Variants in PYM1 observed in about 807,000 individuals in gnomAD.
PYM1 encodes the protein PYM1 exon junction complex associated factor.
In PYM1, 7 loss-of-function variants were observed where a neutral mutation model predicts 20.7. The ratio of observed to expected loss-of-function variants is 0.34; its 90% CI spans 0.19 to 0.64. The LOEUF is 0.64. Among genes scored for constraint, PYM1 ranks in the 30% least tolerant of loss-of-function variants. PYM1 has a pLI of 0.74. For missense variants in PYM1, 194 were observed against 250.0 expected (o/e 0.78, Z 1.51); for synonymous variants, 100 against 99.2 (o/e 1.01, Z -0.05).
intron 1 of PYM1, among the ~76,000 whole-genome samples, chr12:55,908,858 AAAAAT>A (rs1565715324): frequency 6.6e-6 from 1 of 152,160 alleles, no homozygotes; most frequent in African/African-American, 2.4e-5. Context: ...TCTCCAAAAA[AAAAAT>A]AAAATAAAAC....
Position 55,901,486 on chromosome 12 carries a change from A to C in PYM1, c.*386T>G. ...AAAAAAAATGAGGGATGGAGAGGGA[A>C]ATAACCCATAAACACCGCGAACAGG... is the stretch of plus-strand genomic sequence containing the variant. On this transcript the variant is annotated 3_prime_UTR_variant, in exon 3 of 3. Transcript: ENST00000408946. 1 of 171,376 alleles carries C rather than the reference A, an allele frequency of 5.8e-6. No homozygotes were observed. Among genetic ancestry groups the C allele is most frequent in the Non-Finnish European group, 1.2e-5 (1 of 80,034 alleles). 10.6% of individuals were successfully genotyped at this position (171,376 alleles called of 1,614,324 possible).
intron 1 of PYM1, chr12:55,927,157 C>A (rs1301275751): frequency 6.4e-7 from 1 of 1,551,224 alleles, no homozygotes. Context: ...GGGTCCCGCC[C>A]CCCTCCCCAC....
At chr12:55,917,827 G>C (rs1035899551) in intron 1 of PYM1, among the ~76,000 whole-genome samples, 1 of 152,068 alleles carries the variant, frequency 6.6e-6, no homozygotes, top group Non-Finnish European at 1.5e-5. Flanking sequence ...GGTCATGGTG[G>C]TGCATGCCTG....
intron 1 of PYM1, among the ~76,000 whole-genome samples, chr12:55,911,800 CA>C (rs768431127): frequency 1.3e-4 from 19 of 151,688 alleles, no homozygotes; most frequent in Non-Finnish European, 2.6e-4. Context: ...GAGACTGCGC[CA>C]CTGCACTCTA....
chr12:55,904,799 C>T (rs757540803), intron 1 of PYM1, among the ~76,000 whole-genome samples: 10 of 151,166 alleles, frequency 6.6e-5, no homozygotes, highest in Non-Finnish European at 1.2e-4. Flanking sequence ...ATCGCTTGAA[C>T]CTGGGAGGCA....
intron 1 of PYM1, 165 bp downstream of exon 1, chr12:55,927,560 C>T (rs1036801346): frequency 8.1e-6 from 7 of 867,026 alleles, no homozygotes; most frequent in African/African-American, 1.7e-5. Flanking sequence ...ACTCCAGGAA[C>T]GCACTGGGGC....
intron 2 of PYM1, 101 bp from the exon 3 acceptor site, chr12:55,902,456 C>T (rs1262161610): frequency 6.8e-7 from 1 of 1,464,260 alleles, no homozygotes; most frequent in Non-Finnish European, 9.0e-7. Flanking sequence ...ATTCTTGCTT[C>T]CTTTTTTTGT....
At position 55,901,649 on chromosome 12, in the gene PYM1, T is replaced by C. The variant is rs774789408; in HGVS notation, c.*223A>G. The C allele has an allele frequency of 3.8e-5, 22 of 578,486 alleles. No individual in the cohort carries two copies. Among genetic ancestry groups the C allele is most frequent in the Admixed American group, 6.8e-5 (2 of 29,350 alleles). 35.8% of individuals were successfully genotyped at this position (578,486 alleles called of 1,614,324 possible). ...GTACCTGGGGTAGTCACTGAGATTT[T>C]GAACACTGGGAATGGGAGGGGGAAA... On this transcript the variant is annotated 3_prime_UTR_variant, in exon 3 of 3. Transcript: ENST00000408946.
chr12:55,915,213 TAAAAAA>T (rs1174981358), intron 1 of PYM1, among the ~76,000 whole-genome samples: 12 of 48,976 alleles, frequency 2.5e-4, no homozygotes, highest in Middle Eastern at 0.056. Flanking sequence ...AGACTCTGCC[TAAAAAA>T]AAAAAAAAAA....
chr12:55,920,516 TA>T (rs1157626722), intron 1 of PYM1, among the ~76,000 whole-genome samples: 3 of 151,174 alleles, frequency 2.0e-5, no homozygotes, highest in African/African-American at 7.3e-5. Flanking sequence ...TGCATGCCTG[TA>T]ATTCCAGCTA....
In PYM1 at chr12:55,914,439, T is replaced by C. The variant is rs772465; in HGVS notation, c.38-10959A>G. On this transcript the variant is annotated intron_variant, in intron 1 of 2. Transcript: ENST00000408946. ...CTTGCAGAGAGTCAAAAACTAGAGATTGGGGACTGCTACTGTAAGAATCTT... is the reference window on the plus strand; with the variant it reads ...CTTGCAGAGAGTCAAAAACTAGAGACTGGGGACTGCTACTGTAAGAATCTT... The C allele has an allele frequency of 2.1e-3, 1,474 of 688,590 alleles. 11 individuals carry two copies. In the African/African-American group the frequency reaches 0.023, roughly 11 times the overall value. 42.7% of individuals were successfully genotyped at this position (688,590 alleles called of 1,614,324 possible).
intron 1 of PYM1, among the ~76,000 whole-genome samples, chr12:55,922,938 T>C (rs1883124929): frequency 1.3e-5 from 2 of 151,952 alleles, no homozygotes; most frequent in African/African-American, 4.8e-5. Context: ...AAAAATTAGG[T>C]AAAAAGGCTG....
chr12:55,926,849 C>T (rs1371736809), intron 1 of PYM1, among the ~76,000 whole-genome samples: 1 of 152,124 alleles, frequency 6.6e-6, no homozygotes. Flanking sequence ...AAGCAGGGAC[C>T]AGCACTGAAG....
At chr12:55,926,736 CTGG>C (rs1565719648) in intron 1 of PYM1, among the ~76,000 whole-genome samples, 1 of 151,832 alleles carries the variant, frequency 6.6e-6, no homozygotes, top group African/African-American at 2.4e-5. Context: ...AGGGCAGGAA[CTGG>C]AGGGAAATGA....
rs1486391750 is a variant in PYM1 at position 55,902,281 on chromosome 12, G to A, written c.206C>T (p.Ala69Val). 6 of 1,614,198 alleles carry A rather than the reference G, an allele frequency of 3.7e-6. No individual in the cohort carries two copies. In the South Asian group the frequency reaches 5.5e-5, roughly 15 times the overall value. ...LPPGLSPEAT[A>V]PVTPSRPEGG... The stretch of plus-strand genomic sequence containing the variant: ...TTCAGGCCTGGATGGGGTGACAGGA[G>A]CAGTGGCCTCAGGGCTTAGCCCTGG... Residue 69 changes from alanine to valine, a missense_variant, in exon 3 of 3, where the codon GCT becomes GTT. Ala to Val is a moderately conservative substitution (Grantham distance 64). Coordinates refer to ENST00000408946, the MANE Select transcript of PYM1 (RefSeq NM_032345.3).
chr12:55,912,117 G>C (rs767855903), intron 1 of PYM1, among the ~76,000 whole-genome samples: 1 of 152,022 alleles, frequency 6.6e-6, no homozygotes, highest in Admixed American at 6.6e-5. Flanking sequence ...GGGAAGCCGA[G>C]GCAGGTGGGT....
intron 1 of PYM1, among the ~76,000 whole-genome samples, chr12:55,922,587 A>T (rs568357689): frequency 6.6e-6 from 1 of 152,222 alleles, no homozygotes; most frequent in South Asian, 2.1e-4. Flanking sequence ...ACCGCACTCC[A>T]GTCTGGGCAA....
chr12:55,911,408 G>A (rs1681080), intron 1 of PYM1, among the ~76,000 whole-genome samples: 5,828 of 152,034 alleles, frequency 0.038, 381 homozygotes, highest in African/African-American at 0.13. Context: ...GACTGAGCCC[G>A]GCCTGTTAAT....
intron 1 of PYM1, among the ~76,000 whole-genome samples, chr12:55,909,630 A>T (rs1027853219): frequency 2.6e-5 from 4 of 152,106 alleles, no homozygotes; most frequent in African/African-American, 9.7e-5. Context: ...TAGGGAAAAA[A>T]TATTGTGATA....
Sources: allele counts gnomAD v4.1 joint callset (sites outside exome capture counted in the v4.1 genomes callset), GRCh38; gene constraint gnomAD v4.1.1; transcripts MANE v1.5; gene names NCBI Gene and HGNC (gene_info 2026-07-23, HGNC 2026-07-21).